Variants in DLK1 observed in about 807,000 individuals in gnomAD.
DLK1 encodes the protein protein delta homolog 1.
Under a neutral mutation model 35.2 loss-of-function variants are expected in DLK1, and 9 were observed. The observed-to-expected ratio is 0.26, with a 90% CI of 0.15 to 0.45. The LOEUF is 0.45. Ranked by LOEUF, DLK1 falls within the 20% of genes least tolerant of loss-of-function variation. DLK1 has a pLI of 1.00. For missense variants in DLK1, 522 were observed against 528.5 expected, an observed-to-expected ratio of 0.99 and a Z score of 0.12; for synonymous variants, 231 against 228.4, an observed-to-expected ratio of 1.01 and a Z score of -0.10.
Position 100,734,489 on chromosome 14 carries a change from G to T in DLK1, c.745G>T (p.Ala249Ser), listed in dbSNP as rs138651182. The change falls in exon 5 of 5, where the codon GCG becomes TCG. Residue 249 changes from alanine to serine, a missense_variant. Coordinates refer to ENST00000341267, the MANE Select transcript of DLK1 (RefSeq NM_003836.7). This position sits in a 1 kb window ranked among gnomAD's most constrained non-coding sequence, Gnocchi z 7.4. ...FTGLTCVKKR[A>S]LSPQQVTRLP... Reference sequence around the variant, plus strand: ...AGGTCTCACCTGTGTCAAGAAGCGCGCGCTGAGCCCCCAGCAGGTCACCCG... The same window carrying T: ...AGGTCTCACCTGTGTCAAGAAGCGCTCGCTGAGCCCCCAGCAGGTCACCCG... 5.0e-6 allele frequency: 8 copies of T among 1,611,120 alleles called. No individual in the cohort carries two copies. The highest frequency in any genetic ancestry group is 6.8e-6 in the Non-Finnish European group (8 of 1,178,572).
intron 3 of DLK1, 28 bp from the exon 4 acceptor site, chr14:100,732,014 A>G (rs927762316): frequency 6.3e-7 from 1 of 1,596,560 alleles, no homozygotes; most frequent in Non-Finnish European, 8.5e-7. Context: ...GAGGAAGCTA[A>G]GTTCTCGTCT....
Position 100,735,261 on chromosome 14 carries a change from C to T in DLK1, c.*365C>T, listed in dbSNP as rs535837138. The T allele has an allele frequency of 5.8e-4, 113 of 193,926 alleles. No individual in the cohort carries two copies. The highest frequency in any genetic ancestry group is 2.4e-3 in the African/African-American group (104 of 42,812). The allele number at this position is 193,926 out of a possible 1,614,324, so 12.0% of individuals were successfully genotyped here. On this transcript the variant is annotated 3_prime_UTR_variant, in exon 5 of 5. Transcript: ENST00000341267. ...CTGGGGGTCTCGGCCACATGGTCCTCGTGAAACCGTTACGAGTGCTGTACA... is the reference window on the plus strand; with the variant it reads ...CTGGGGGTCTCGGCCACATGGTCCTTGTGAAACCGTTACGAGTGCTGTACA...
chr14:100,728,435 T>C lies in DLK1; in HGVS notation c.107T>C (p.Phe36Ser). Residue 36 changes from phenylalanine (F) to serine (S), a missense_variant, in exon 2 of 5, where the codon TTC (phenylalanine) becomes TCC (serine). Phe to Ser is a radical substitution (Grantham distance 155). Coordinates refer to ENST00000341267, the MANE Select transcript of DLK1 (RefSeq NM_003836.7). ...CFPACNPQNG[F>S]CEDDNVCRCQ... ...CCGGCCTGCAACCCCCAAAATGGATTCTGCGAGGATGACAATGTTTGCAGG... is the reference window on the plus strand; with the variant it reads ...CCGGCCTGCAACCCCCAAAATGGATCCTGCGAGGATGACAATGTTTGCAGG... 2 of 1,613,970 alleles carry C rather than the reference T, an allele frequency of 1.2e-6. No homozygotes were observed. The highest frequency in any genetic ancestry group is 1.7e-6 in the Non-Finnish European group (2 of 1,179,922).
Position 100,728,385 on chromosome 14 carries a change from T to A in DLK1, c.68-11T>A. On this transcript the variant is annotated splice_polypyrimidine_tract_variant and intron_variant, in intron 1 of 4. Transcript: ENST00000341267. Reference sequence around the variant, plus strand: ...GGTGGGGTGAATTGTATAACCTTTCTTGTACCTCAGGGGCTGAATGCTTCC... The same window carrying A: ...GGTGGGGTGAATTGTATAACCTTTCATGTACCTCAGGGGCTGAATGCTTCC... 1 of 1,613,388 alleles carries A rather than the reference T, an allele frequency of 6.2e-7. No homozygotes were observed. Among genetic ancestry groups the A allele is most frequent in the Non-Finnish European group, 8.5e-7 (1 of 1,179,592 alleles).
At chr14:100,731,518 C>T (rs1270654130) in intron 3 of DLK1, among the ~76,000 whole-genome samples, 8 of 152,068 alleles carry the variant, frequency 5.3e-5, no homozygotes, top group Non-Finnish European at 7.4e-5. Flanking sequence ...TGATTCCTGA[C>T]GGAGGGGGGT....
chr14:100,732,005 A>T (rs199542402), intron 3 of DLK1, 37 bp from the exon 4 acceptor site: 57 of 1,590,572 alleles, frequency 3.6e-5, no homozygotes, highest in Admixed American at 5.2e-5. Context: ...GTGTATGGAG[A>T]GGAAGCTAAG....
intron 2 of DLK1, 148 bp downstream of exon 2, chr14:100,728,607 T>C (rs10151914): frequency 4.2e-5 from 14 of 331,402 alleles, no homozygotes; most frequent in African/African-American, 3.5e-4. Flanking sequence ...TGGGGCGAGC[T>C]GGGGAGATGG....
At chr14:100,729,655 G>A (rs181412318) in intron 3 of DLK1, among the ~76,000 whole-genome samples, 72 of 152,254 alleles carry the variant, frequency 4.7e-4, no homozygotes, top group Middle Eastern at 3.4e-3. Flanking sequence ...AGTGAAGATG[G>A]GTGTTATCTG....
chr14:100,737,224 C>T lies in DLK1; in HGVS notation c.*2328C>T, dbSNP rs919572809. On this transcript the variant is annotated 3_prime_UTR_variant, in exon 5 of 5. Coordinates refer to ENST00000341267, the MANE Select transcript of DLK1 (RefSeq NM_003836.7). ...GCCCCAAGTCCCTCTTCCTTCCCCA[C>T]GAAGTCATTCATAAGTCACCATCTC... is the stretch of plus-strand genomic sequence containing the variant. The T allele has an allele frequency of 2.1e-5, 3 of 144,516 alleles. No homozygotes were observed. Among genetic ancestry groups the T allele is most frequent in the East Asian group, 2.0e-4 (1 of 4,936 alleles). 9.0% of individuals were successfully genotyped at this position (144,516 alleles called of 1,614,324 possible).
In DLK1 at chr14:100,726,968, C is replaced by T; in HGVS notation, c.-101C>T. ...CCCTGGCTTTCCCCTCGCTGCGCGC[C>T]CGCGCCCCCTTTCGCGTCCGCAACC... On this transcript the variant is annotated 5_prime_UTR_variant, in exon 1 of 5. Coordinates refer to ENST00000341267, the MANE Select transcript of DLK1 (RefSeq NM_003836.7). The surrounding 1 kb of genome is among the most constrained non-coding windows in gnomAD (Gnocchi z 4.2). The T allele has an allele frequency of 1.7e-6, 2 of 1,194,164 alleles. No homozygotes were observed. The highest frequency in any genetic ancestry group is 3.9e-5 in the South Asian group (2 of 51,106). 74.0% of individuals were successfully genotyped at this position (1,194,164 alleles called of 1,614,324 possible). A position where few individuals can be genotyped will look rare whatever the true frequency, so the allele number is the denominator to read the frequency against.
intron 4 of DLK1, among the ~76,000 whole-genome samples, chr14:100,733,927 C>T (rs1445778105): frequency 7.1e-6 from 1 of 140,538 alleles, no homozygotes; most frequent in Non-Finnish European, 1.6e-5. Flanking sequence ...CACCCACCCC[C>T]AGAGCTACTG....
chr14:100,726,977 C>A lies in DLK1; in HGVS notation c.-92C>A, dbSNP rs1331441616. On this transcript the variant is annotated 5_prime_UTR_variant, in exon 1 of 5. Transcript: ENST00000341267. This position sits in a 1 kb window ranked among gnomAD's most constrained non-coding sequence, Gnocchi z 4.2. ...TCCCCTCGCTGCGCGCCCGCGCCCC[C>A]TTTCGCGTCCGCAACCAGAAGCCCA... 4 of 1,292,490 alleles carry A rather than the reference C, an allele frequency of 3.1e-6. No individual in the cohort carries two copies. The highest frequency in any genetic ancestry group is 4.0e-6 in the Non-Finnish European group (4 of 993,168). 80.1% of individuals were successfully genotyped at this position (1,292,490 alleles called of 1,614,324 possible).
chr14:100,734,860 C>T lies in DLK1; in HGVS notation c.1116C>T (p.Thr372=). 1.2e-6 allele frequency: 2 copies of T among 1,603,170 alleles called. No homozygotes were observed. Among genetic ancestry groups the T allele is most frequent in the East Asian group, 2.2e-5 (1 of 44,706 alleles). Residue 372 remains threonine, a synonymous_variant, in exon 5 of 5, where the codon ACC becomes ACT. Coordinates refer to ENST00000341267, the MANE Select transcript of DLK1 (RefSeq NM_003836.7). The surrounding 1 kb of genome is among the most constrained non-coding windows in gnomAD (Gnocchi z 7.4). ...NIIFPEKIDM[T]TFSKEAGDEE... ...TCTTCCCCGAGAAGATCGACATGAC[C>T]ACCTTCAGCAAGGAGGCCGGCGACG...
intron 2 of DLK1, 90 bp from the exon 3 acceptor site, chr14:100,728,846 G>A: frequency 6.5e-7 from 1 of 1,536,596 alleles, no homozygotes; most frequent in Non-Finnish European, 8.8e-7. Flanking sequence ...AGACCCCCAA[G>A]GGTCCTTGGT....
intron 4 of DLK1, among the ~76,000 whole-genome samples, chr14:100,733,116 G>C (rs1281799510): frequency 6.6e-6 from 1 of 152,218 alleles, no homozygotes; most frequent in African/African-American, 2.4e-5. Flanking sequence ...AGTGGGGGCT[G>C]GTGAAGACTG....
intron 3 of DLK1, among the ~76,000 whole-genome samples, chr14:100,731,287 G>C (rs963582404): frequency 3.9e-5 from 6 of 152,186 alleles, no homozygotes; most frequent in African/African-American, 1.4e-4. Flanking sequence ...CTGGCTTGCT[G>C]AACCTGAATA....
In DLK1 at chr14:100,736,578, A is replaced by C. The variant is rs61991001; in HGVS notation, c.*1682A>C. 1.3e-5 allele frequency: 2 copies of C among 152,102 alleles called. No homozygotes were observed. Among genetic ancestry groups the C allele is most frequent in the Non-Finnish European group, 2.9e-5 (2 of 68,252 alleles). 9.4% of individuals were successfully genotyped at this position (152,102 alleles called of 1,614,324 possible). ...CTCAAAGCCCGACCAGCATCTGCCC[A>C]AACTCCCAACACCCCACTCTCCCCA... On this transcript the variant is annotated 3_prime_UTR_variant, in exon 5 of 5. Coordinates refer to ENST00000341267, the MANE Select transcript of DLK1 (RefSeq NM_003836.7).
chr14:100,729,284 C>A, intron 3 of DLK1: 2 of 774,454 alleles, frequency 2.6e-6, no homozygotes, highest in Non-Finnish European at 2.2e-6. Flanking sequence ...GCGCCATCAG[C>A]ACCCAGCACC....
At position 100,734,488 on chromosome 14, in the gene DLK1, C is replaced by T. The variant is rs117014694; in HGVS notation, c.744C>T (p.Arg248=). ...EFTGLTCVKK[R]ALSPQQVTRL... ...CAGGTCTCACCTGTGTCAAGAAGCG[C>T]GCGCTGAGCCCCCAGCAGGTCACCC... The change falls in exon 5 of 5, where the codon CGC becomes CGT. Residue 248 remains arginine, a synonymous_variant. Transcript: ENST00000341267. The surrounding 1 kb of genome is among the most constrained non-coding windows in gnomAD (Gnocchi z 7.4). The T allele has an allele frequency of 3.3e-3, 5,313 of 1,611,186 alleles. 17 individuals are homozygous for T. Among genetic ancestry groups the T allele is most frequent in the South Asian group, 3.7e-3 (340 of 90,982 alleles).
Sources: gnomAD v4.1 joint callset for allele counts (sites outside exome capture counted in the v4.1 genomes callset) on GRCh38, gnomAD v4.1.1 for gene constraint, Gnocchi (gnomAD v3.1) non-coding constraint, MANE v1.5 for transcripts, NCBI Gene and HGNC (gene_info 2026-07-23, HGNC 2026-07-21) for gene names.